The following GPR148 variants were observed in gnomAD, a reference collection of about 807,000 sequenced individuals.
GPR148 encodes the protein G protein-coupled receptor 148, also known as probable G protein-coupled receptor 148.
For synonymous variants in GPR148, 173 were observed against 187.9 expected, an observed-to-expected ratio of 0.92 and a Z score of 0.65; for missense variants, 424 against 435.3, an observed-to-expected ratio of 0.97 and a Z score of 0.23.
At chr2:130,729,392 C>T in the GPR148 span, 310 of 1,614,232 alleles carry the variant, frequency 1.9e-4, 1 homozygote, top group African/African-American at 2.3e-3. Flanking sequence ...CCAACGGCTG[C>T]GACAGGAGCC....
Position 130,729,771 on chromosome 2 carries a change from T to A in GPR148, c.620T>A (p.Met207Lys), listed in dbSNP as rs778321121. The change falls in exon 1 of 1, where the codon ATG (methionine) becomes AAG (lysine). Residue 207 changes from methionine to lysine, a missense_variant. Met to Lys is a moderately conservative substitution (Grantham distance 95, BLOSUM62 -1). Transcript: ENST00000309926. ...GCTTCATACATCCTACCACCAAGCA[T>A]GGGCACCCAGCCGGGATGTGGCCTC... Reference protein sequence around the residue: ...QGASYILPPSMGTQPGCGLLV... With the variant: ...QGASYILPPSKGTQPGCGLLV... The A allele has an allele frequency of 7.4e-6, 12 of 1,613,468 alleles. No homozygotes were observed. Among genetic ancestry groups the A allele is most frequent in the Non-Finnish European group, 1.0e-5 (12 of 1,179,422 alleles).
Position 130,729,776 on chromosome 2 carries a change from A to T in GPR148, c.625A>T (p.Thr209Ser). ...ATACATCCTACCACCAAGCATGGGC[A>T]CCCAGCCGGGATGTGGCCTCCTGGT... ...ASYILPPSMG[T>S]QPGCGLLVIV... The change falls in exon 1 of 1, where the codon ACC (threonine) becomes TCC (serine). Residue 209 changes from threonine to serine, a missense_variant. Physicochemically the swap from Thr to Ser is moderately conservative, Grantham distance 58. Coordinates refer to ENST00000309926, the MANE Select transcript of GPR148 (RefSeq NM_207364.2). 1 of 1,613,148 alleles carries T rather than the reference A, an allele frequency of 6.2e-7. No homozygotes were observed. Among genetic ancestry groups the T allele is most frequent in the Non-Finnish European group, 8.5e-7 (1 of 1,179,214 alleles).
chr2:130,730,140 T>C lies in GPR148; in HGVS notation c.989T>C (p.Met330Thr), dbSNP rs1574029610. The C allele has an allele frequency of 1.2e-6, 2 of 1,613,792 alleles. No individual in the cohort carries two copies. The highest frequency in any genetic ancestry group is 2.7e-5 in the African/African-American group (2 of 75,068). Residue 330 changes from methionine to threonine, a missense_variant, in exon 1 of 1, where the codon ATG becomes ACG. Met to Thr is a moderately conservative substitution (Grantham distance 81, BLOSUM62 -1). Transcript: ENST00000309926. ...CTCCGCTACCGGCAGCTGTTGGGCA[T>C]GGTCCGGGGCCACCTCCCATCCAGG... ...YLLRYRQLLGMVRGHLPSRRH... is the reference protein window; with the variant it reads ...YLLRYRQLLGTVRGHLPSRRH...
In GPR148 at chr2:130,729,805, T is replaced by G; in HGVS notation, c.654T>G (p.Ile218Met). Residue 218 changes from isoleucine to methionine, a missense_variant, in exon 1 of 1, where the codon ATT (isoleucine) becomes ATG (methionine). By Grantham distance (10) the Ile-to-Met change is conservative. Transcript: ENST00000309926. The part of the protein sequence containing the change: ...GTQPGCGLLV[I>M]VTYTSILCVL... The stretch of plus-strand genomic sequence containing the variant: ...AGCCGGGATGTGGCCTCCTGGTCAT[T>G]GTTACCTACACCTCCATTCTGTGCG... The G allele has an allele frequency of 1.2e-6, 2 of 1,609,870 alleles. No homozygotes were observed. The highest frequency in any genetic ancestry group is 3.3e-4 in the Middle Eastern group (2 of 6,042).
In GPR148 at chr2:130,729,323, C is replaced by G; in HGVS notation, c.172C>G (p.Leu58Val). ...MLYWLFLPSS[L>V]LAAATLAVSP... Reference sequence around the variant, plus strand: ...GTACTGGCTTTTCCTTCCCTCAAGCCTGCTGGCTGCAGCCACACTGGCTGT... The same window carrying G: ...GTACTGGCTTTTCCTTCCCTCAAGCGTGCTGGCTGCAGCCACACTGGCTGT... The change falls in exon 1 of 1, where the codon CTG (leucine) becomes GTG (valine). Residue 58 changes from leucine to valine, a missense_variant. Physicochemically the swap from Leu to Val is conservative, Grantham distance 32 (BLOSUM62 1). Transcript: ENST00000309926. The G allele has an allele frequency of 6.2e-7, 1 of 1,613,480 alleles. No individual in the cohort carries two copies. The highest frequency in any genetic ancestry group is 8.5e-7 in the Non-Finnish European group (1 of 1,179,796).
chr2:130,729,454 C>T lies in GPR148; in HGVS notation c.303C>T (p.Leu101=). Residue 101 remains leucine, a synonymous_variant, in exon 1 of 1, where the codon CTC becomes CTT. Transcript: ENST00000309926. ...NILLSDLAYI[L]LHMLISSSSL... ...TGCTCTCAGACCTGGCCTACATTCT[C>T]CTCCACATGCTCATCTCCTCCAGCA... The T allele has an allele frequency of 6.2e-7, 1 of 1,614,246 alleles. No individual in the cohort carries two copies. Among genetic ancestry groups the T allele is most frequent in the Non-Finnish European group, 8.5e-7 (1 of 1,180,020 alleles).
Position 130,729,541 on chromosome 2 carries a change from C to T in GPR148, c.390C>T (p.Ala130=), listed in dbSNP as rs150841044. 88 of 1,614,050 alleles carry T rather than the reference C, an allele frequency of 5.5e-5. No homozygotes were observed. The highest frequency in any genetic ancestry group is 6.9e-5 in the Non-Finnish European group (82 of 1,180,056). Residue 130 remains alanine (A), a synonymous_variant, in exon 1 of 1, where the codon GCC becomes GCT. Transcript: ENST00000309926. ...ACGILTDAVF[A]ACTSTILSFT... ...GCATTCTCACTGATGCTGTCTTCGC[C>T]GCCTGCACCAGCACCATCCTGTCCT...
chr2:130,729,740 C>G lies in GPR148; in HGVS notation c.589C>G (p.Gln197Glu), dbSNP rs1209206412. The G allele has an allele frequency of 6.2e-7, 1 of 1,614,262 alleles. No individual in the cohort carries two copies. Among genetic ancestry groups the G allele is most frequent in the Admixed American group, 1.7e-5 (1 of 60,030 alleles). The change falls in exon 1 of 1, where the codon CAA (glutamine) becomes GAA (glutamate). Residue 197 changes from glutamine to glutamate, a missense_variant. By Grantham distance (29) the Gln-to-Glu change is conservative (BLOSUM62 2). Transcript: ENST00000309926. Reference sequence around the variant, plus strand: ...GTGGCAGGATGCCCAGCTGGAGGAGCAAGGAGCTTCATACATCCTACCACC... The same window carrying G: ...GTGGCAGGATGCCCAGCTGGAGGAGGAAGGAGCTTCATACATCCTACCACC... Reference protein sequence around the residue: ...SKWQDAQLEEQGASYILPPSM... With the variant: ...SKWQDAQLEEEGASYILPPSM...
rs1168183019 is a variant in GPR148 at position 130,729,562 on chromosome 2, G to T, written c.411G>T (p.Leu137=). The change falls in exon 1 of 1, where the codon CTG becomes CTT. Residue 137 remains leucine, a synonymous_variant. Coordinates refer to ENST00000309926, the MANE Select transcript of GPR148 (RefSeq NM_207364.2). ...TCGCCGCCTGCACCAGCACCATCCTGTCCTTCACCGCCATTGTGCTGCACA... is the reference window on the plus strand; with the variant it reads ...TCGCCGCCTGCACCAGCACCATCCTTTCCTTCACCGCCATTGTGCTGCACA... The part of the protein sequence containing the change: ...AVFAACTSTI[L]SFTAIVLHTY... 11 of 1,614,170 alleles carry T rather than the reference G, an allele frequency of 6.8e-6. 1 individual carries two copies. The highest frequency in any genetic ancestry group is 6.7e-5 in the African/African-American group (5 of 75,074).
rs755922154 is a variant in GPR148, at chr2:130,729,364, G to T, written c.213G>T (p.Leu71=). Residue 71 remains leucine, a synonymous_variant, in exon 1 of 1, where the codon CTG becomes CTT. Coordinates refer to ENST00000309926, the MANE Select transcript of GPR148 (RefSeq NM_207364.2). ...CACTGGCTGTCAGCCCCCTGCTGCT[G>T]GTGACCATCCTGCGGAACCAACGGC... is the stretch of plus-strand genomic sequence containing the variant. ...AATLAVSPLL[L]VTILRNQRLR... 1.2e-6 allele frequency: 2 copies of T among 1,614,136 alleles called. No homozygotes were observed. The highest frequency in any genetic ancestry group is 1.3e-5 in the African/African-American group (1 of 75,056).
chr2:130,730,125 G>A lies in GPR148; in HGVS notation c.974G>A (p.Arg325Gln), dbSNP rs77932609. ...MLTYLYLLRY[R>Q]QLLGMVRGHL... ...ACATACCTGTACCTGCTCCGCTACC[G>A]GCAGCTGTTGGGCATGGTCCGGGGC... Residue 325 changes from arginine (R) to glutamine (Q), a missense_variant, in exon 1 of 1, where the codon CGG becomes CAG. Physicochemically the swap from Arg to Gln is conservative, Grantham distance 43 (BLOSUM62 1). Transcript: ENST00000309926. 1.0e-3 allele frequency: 1,611 copies of A among 1,613,608 alleles called. 3 individuals carry two copies. In the East Asian group the frequency reaches 0.015, roughly 15 times the overall value.
chr2:130,729,509 G>A lies in GPR148; in HGVS notation c.358G>A (p.Ala120Thr), dbSNP rs1688443066. ...SLGGWELGRM[A>T]CGILTDAVFA... ...GGGTGGCTGGGAGCTGGGCCGCATG[G>A]CCTGTGGCATTCTCACTGATGCTGT... The change falls in exon 1 of 1, where the codon GCC becomes ACC. Residue 120 changes from alanine (A) to threonine (T), a missense_variant. By Grantham distance (58) the Ala-to-Thr change is moderately conservative. Coordinates refer to ENST00000309926, the MANE Select transcript of GPR148 (RefSeq NM_207364.2). 1 of 1,614,196 alleles carries A rather than the reference G, an allele frequency of 6.2e-7. No individual in the cohort carries two copies. The highest frequency in any genetic ancestry group is 8.5e-7 in the Non-Finnish European group (1 of 1,180,022).
chr2:130,729,707 C>G lies in GPR148; in HGVS notation c.556C>G (p.Leu186Val). Residue 186 changes from leucine (L) to valine (V), a missense_variant, in exon 1 of 1, where the codon CTC (leucine) becomes GTC (valine). Leu to Val is a conservative substitution (Grantham distance 32, BLOSUM62 1). Transcript: ENST00000309926. ...CTGCTTCCCCACATTCCTTATTTGG[C>G]TCAGCAAGTGGCAGGATGCCCAGCT... ...ACCFPTFLIW[L>V]SKWQDAQLEE... is the part of the protein sequence containing the mutation. The G allele has an allele frequency of 6.2e-7, 1 of 1,614,278 alleles. No individual in the cohort carries two copies. The highest frequency in any genetic ancestry group is 1.3e-5 in the African/African-American group (1 of 75,078).
rs185779090 is a variant in GPR148, at chr2:130,730,089, G to C, written c.938G>C (p.Arg313Pro). Residue 313 changes from arginine (R) to proline (P), a missense_variant, in exon 1 of 1, where the codon CGT becomes CCT. Physicochemically the swap from Arg to Pro is moderately radical, Grantham distance 103. Coordinates refer to ENST00000309926, the MANE Select transcript of GPR148 (RefSeq NM_207364.2). Reference protein sequence around the residue: ...ANSEVLMMLPRAMLTYLYLLR... With the variant: ...ANSEVLMMLPPAMLTYLYLLR... Reference sequence around the variant, plus strand: ...AGTGAGGTACTCATGATGCTTCCCCGTGCCATGCTCACATACCTGTACCTG... The same window carrying C: ...AGTGAGGTACTCATGATGCTTCCCCCTGCCATGCTCACATACCTGTACCTG... 6.2e-7 allele frequency: 1 copy of C among 1,608,326 alleles called. No homozygotes were observed. The highest frequency in any genetic ancestry group is 8.5e-7 in the Non-Finnish European group (1 of 1,177,336).
chr2:130,729,572 G>A lies in GPR148; in HGVS notation c.421G>A (p.Ala141Thr), dbSNP rs749234180. 2.9e-5 allele frequency: 47 copies of A among 1,613,958 alleles called. No homozygotes were observed. Among genetic ancestry groups the A allele is most frequent in the African/African-American group, 2.1e-4 (16 of 74,940 alleles). The change falls in exon 1 of 1, where the codon GCC becomes ACC. Residue 141 changes from alanine to threonine, a missense_variant. Ala to Thr is a moderately conservative substitution (Grantham distance 58). Transcript: ENST00000309926. Reference protein sequence around the residue: ...ACTSTILSFTAIVLHTYLAVI... With the variant: ...ACTSTILSFTTIVLHTYLAVI... Reference sequence around the variant, plus strand: ...CACCAGCACCATCCTGTCCTTCACCGCCATTGTGCTGCACACCTACCTGGC... The same window carrying A: ...CACCAGCACCATCCTGTCCTTCACCACCATTGTGCTGCACACCTACCTGGC...
chr2:130,730,217 G>T lies in GPR148; in HGVS notation c.*22G>T. 1 of 1,574,306 alleles carries T rather than the reference G, an allele frequency of 6.4e-7. No individual in the cohort carries two copies. The highest frequency in any genetic ancestry group is 8.6e-7 in the Non-Finnish European group (1 of 1,156,602). On this transcript the variant is annotated 3_prime_UTR_variant, in exon 1 of 1. Transcript: ENST00000309926. ...CTAGAGTTCTTGAGTCCACAGTCTGGCAAGCTGAGGTTAAAAATCATATGT... is the reference window on the plus strand; with the variant it reads ...CTAGAGTTCTTGAGTCCACAGTCTGTCAAGCTGAGGTTAAAAATCATATGT...
chr2:130,730,269 T>C lies in GPR148; in HGVS notation c.*74T>C, dbSNP rs528160233. ...GAATGCAGCAGTGTCCACTTATGAC[T>C]AACTTCTTAGAACAGCACAATATAA... On this transcript the variant is annotated 3_prime_UTR_variant, in exon 1 of 1. Transcript: ENST00000309926. 2.3e-5 allele frequency: 28 copies of C among 1,231,282 alleles called. No individual in the cohort carries two copies. Among genetic ancestry groups the C allele is most frequent in the Non-Finnish European group, 3.2e-5 (28 of 868,936 alleles). The allele number at this position is 1,231,282 out of a possible 1,614,324, so 76.3% of individuals were successfully genotyped here. A position where few individuals can be genotyped will look rare whatever the true frequency, so the allele number is the denominator to read the frequency against.
At position 130,730,323 on chromosome 2, in the gene GPR148, C is replaced by G. The variant is rs917159337; in HGVS notation, c.*128C>G. ...TGGAATTGGGCCTTTCAGAAGACCT[C>G]AACTGATGATTTTCACCATTTTGAC... On this transcript the variant is annotated 3_prime_UTR_variant, in exon 1 of 1. Transcript: ENST00000309926. The G allele has an allele frequency of 2.0e-5, 14 of 704,358 alleles. No homozygotes were observed. The African/African-American group carries it at 2.2e-4, about 11-fold the overall frequency. 43.6% of individuals were successfully genotyped at this position (704,358 alleles called of 1,614,324 possible).
chr2:130,730,074 T>C lies in GPR148; in HGVS notation c.923T>C (p.Leu308Pro). ...TWLLAANSEV[L>P]MMLPRAMLTY... ...CTCCTGGCAGCTAACAGTGAGGTACTCATGATGCTTCCCCGTGCCATGCTC... is the reference window on the plus strand; with the variant it reads ...CTCCTGGCAGCTAACAGTGAGGTACCCATGATGCTTCCCCGTGCCATGCTC... Residue 308 changes from leucine (L) to proline (P), a missense_variant, in exon 1 of 1, where the codon CTC becomes CCC. Transcript: ENST00000309926. 3 of 1,604,664 alleles carry C rather than the reference T, an allele frequency of 1.9e-6. No homozygotes were observed. Among genetic ancestry groups the C allele is most frequent in the Non-Finnish European group, 2.6e-6 (3 of 1,175,396 alleles).
Sources: allele counts gnomAD v4.1 joint callset, GRCh38; gene constraint gnomAD v4.1.1; transcripts MANE v1.5; gene names NCBI Gene and HGNC (gene_info 2026-07-23, HGNC 2026-07-21).